Variants in SYNPR observed in about 807,000 individuals in gnomAD.
SYNPR encodes the protein synaptoporin.
SYNPR carries 23 observed loss-of-function variants against 32.9 expected under a neutral mutation model. The observed-to-expected ratio is 0.70, with a 90% CI of 0.50 to 0.99. The LOEUF (loss-of-function observed/expected upper bound fraction) is 0.99, where lower values mean the gene tolerates loss of function less well. SYNPR is among the 50% of genes least tolerant of loss of function. SYNPR has a pLI of 0.00. For synonymous variants in SYNPR, 146 were observed against 135.9 expected (o/e 1.07, Z -0.52); for missense variants, 318 against 349.3 (o/e 0.91, Z 0.71).
intron 2 of SYNPR, among the ~76,000 whole-genome samples, chr3:63,382,409 C>A (rs1200498924): frequency 6.6e-6 from 1 of 152,212 alleles, no homozygotes; most frequent in Non-Finnish European, 1.5e-5. Flanking sequence ...TCCCACTTGA[C>A]CTTTGCTGGC....
intron 3 of SYNPR, among the ~76,000 whole-genome samples, chr3:63,532,287 A>G (rs1295117343): frequency 6.6e-6 from 1 of 152,228 alleles, no homozygotes; most frequent in Non-Finnish European, 1.5e-5. Context: ...ACGACATTTT[A>G]TGTTCCAAAT....
At chr3:63,468,527 G>T (rs1700730826) in intron 2 of SYNPR, among the ~76,000 whole-genome samples, 1 of 140,076 alleles carries the variant, frequency 7.1e-6, no homozygotes, top group Non-Finnish European at 1.5e-5. Context: ...ATGCTTAAGG[G>T]CCACGTGGTG....
chr3:63,257,675 A>G (rs1447720519), intron 2 of SYNPR, among the ~76,000 whole-genome samples: 1 of 152,164 alleles, frequency 6.6e-6, no homozygotes, highest in Admixed American at 6.5e-5. Flanking sequence ...GAGCAAAATA[A>G]CCAGCTAACA....
chr3:63,450,447 G>A (rs1700358065), intron 2 of SYNPR, among the ~76,000 whole-genome samples: 1 of 152,218 alleles, frequency 6.6e-6, no homozygotes, highest in Non-Finnish European at 1.5e-5. Context: ...TGGTACAAAA[G>A]GAAGATAACA....
intron 4 of SYNPR, among the ~76,000 whole-genome samples, chr3:63,592,545 A>T (rs1035098729): frequency 6.6e-6 from 1 of 152,082 alleles, no homozygotes; most frequent in South Asian, 2.1e-4. Context: ...ATGGTTAGGA[A>T]CCTGTAGGAA....
intron 2 of SYNPR, among the ~76,000 whole-genome samples, chr3:63,430,611 A>G (rs2107144657): frequency 6.6e-6 from 1 of 152,342 alleles, no homozygotes; most frequent in South Asian, 2.1e-4. Context: ...ATTTATTGTG[A>G]CACAGGGTGA....
chr3:63,403,437 C>CACAT (rs1478914651), intron 2 of SYNPR, among the ~76,000 whole-genome samples: 7 of 114,762 alleles, frequency 6.1e-5, no homozygotes, highest in African/African-American at 1.2e-4. Flanking sequence ...CGTATGTATA[C>CACAT]ACATACACAC....
At chr3:63,221,941 T>TA in the SYNPR span, among the ~76,000 whole-genome samples, 3 of 149,882 alleles carry the variant, frequency 2.0e-5, no homozygotes, top group Admixed American at 6.8e-5. Context: ...TGGCTGATGA[T>TA]AGTAGTTGTA....
intron 2 of SYNPR, among the ~76,000 whole-genome samples, chr3:63,413,795 A>AGGG (rs1362897757): frequency 1.2e-4 from 18 of 152,262 alleles, no homozygotes; most frequent in East Asian, 3.9e-4. Flanking sequence ...ATCCCTTACC[A>AGGG]ACTGTTTTCC....
chr3:63,541,081 C>T (rs981502504), intron 3 of SYNPR, among the ~76,000 whole-genome samples: 3 of 151,648 alleles, frequency 2.0e-5, no homozygotes, highest in Non-Finnish European at 2.9e-5. Context: ...GCTGGGAGAA[C>T]GATGGCCTCT....
rs115603301 is a variant in SYNPR at position 63,528,064 on chromosome 3, T to C, written c.210-28479T>C. The stretch of plus-strand genomic sequence containing the variant: ...TCCTTCCCACATGTTCATATCTGAT[T>C]TTGAGAAAAATCCCACTTGGAAGAT... On this transcript the variant is annotated intron_variant, in intron 3 of 5. Transcript: ENST00000478300. Among the ~76,000 whole-genome samples the C allele has an allele frequency of 7.7e-3, 1,170 of 152,288 alleles. 8 individuals carry two copies. Among genetic ancestry groups the C allele is most frequent in the Non-Finnish European group, 9.5e-3 (644 of 68,022 alleles).
chr3:63,513,717 A>C (rs1701739762), intron 3 of SYNPR, among the ~76,000 whole-genome samples: 1 of 152,166 alleles, frequency 6.6e-6, no homozygotes, highest in Non-Finnish European at 1.5e-5. Context: ...TGATCACAGC[A>C]TCAAAGAACT....
At chr3:63,567,741 T>C (rs1032170866) in intron 4 of SYNPR, among the ~76,000 whole-genome samples, 25 of 152,214 alleles carry the variant, frequency 1.6e-4, no homozygotes, top group Non-Finnish European at 3.1e-4. Flanking sequence ...TAGGAAGAGA[T>C]AGCAGGTAAA....
At chr3:63,453,217 T>C (rs559536864) in intron 2 of SYNPR, among the ~76,000 whole-genome samples, 2 of 152,248 alleles carry the variant, frequency 1.3e-5, no homozygotes, top group East Asian at 1.9e-4. Context: ...AACTGACCAG[T>C]TGTTTGACCT....
chr3:63,269,372 C>T (rs2086515309), intron 3 of SYNPR, among the ~76,000 whole-genome samples: 1 of 151,962 alleles, frequency 6.6e-6, no homozygotes, highest in Non-Finnish European at 1.5e-5. Context: ...ACCTATAATC[C>T]CAGCTACTTG....
intron 2 of SYNPR, among the ~76,000 whole-genome samples, chr3:63,263,233 G>A (rs931624922): frequency 6.6e-6 from 1 of 152,168 alleles, no homozygotes; most frequent in Non-Finnish European, 1.5e-5. Context: ...GGAAAACACT[G>A]TATGAGCCAA....
chr3:63,455,237 G>C (rs982243627), intron 2 of SYNPR, among the ~76,000 whole-genome samples: 1 of 152,014 alleles, frequency 6.6e-6, no homozygotes, highest in African/African-American at 2.4e-5. Context: ...TGTTAAAGGA[G>C]ACAAAAATAT....
At chr3:63,315,908 G>A (rs2087038943) in intron 2 of SYNPR, among the ~76,000 whole-genome samples, 1 of 151,930 alleles carries the variant, frequency 6.6e-6, no homozygotes, top group Admixed American at 6.6e-5. Context: ...ATTAAGATAT[G>A]TCCTTTGTAT....
chr3:63,536,957 A>T (rs1702220284), intron 3 of SYNPR, among the ~76,000 whole-genome samples: 1 of 152,102 alleles, frequency 6.6e-6, no homozygotes, highest in South Asian at 2.1e-4. Context: ...TGAATGGGAT[A>T]CGACTGCTAA....
Sources: gnomAD v4.1 joint callset for allele counts (sites outside exome capture counted in the v4.1 genomes callset) on GRCh38, gnomAD v4.1.1 for gene constraint, MANE v1.5 for transcripts, NCBI Gene and HGNC (gene_info 2026-07-23, HGNC 2026-07-21) for gene names.